Variants in GEMIN8 observed in about 807,000 individuals in gnomAD.
GEMIN8 encodes the protein gem-associated protein 8.
For synonymous variants in GEMIN8, 80 were observed against 78.5 expected, an observed-to-expected ratio of 1.02 and a Z score of -0.10; for missense variants, 185 against 205.9, an observed-to-expected ratio of 0.90 and a Z score of 0.62.
intron 4 of GEMIN8, among the ~76,000 whole-genome samples, chrX:14,016,864 AAAATATAT>A (rs1341693046): frequency 1.3e-5 from 1 of 74,080 alleles, no homozygotes; most frequent in African/African-American, 6.2e-5. Context: ...AAAAAAAAAA[AAAATATAT>A]ATATATATAT....
At chrX:13,995,792 T>C in the GEMIN8 span, among the ~76,000 whole-genome samples, 3 of 111,683 alleles carry the variant, frequency 2.7e-5, no homozygotes, top group Non-Finnish European at 5.6e-5. Flanking sequence ...ACTTGGAGGA[T>C]ACAGGATGCT....
rs1373606454 is a variant in GEMIN8 at position 14,008,201 on chromosome X, T to C, written c.*712A>G. On this transcript the variant is annotated 3_prime_UTR_variant, in exon 5 of 5. Transcript: ENST00000680255. ...ATCATGTTGGCCAGGATGGTCTCCA[T>C]CTCCTGACCTCGTGATCTGCCCACC... The C allele has an allele frequency of 9.0e-6, 1 of 110,797 alleles. No individual in the cohort carries two copies. The highest frequency in any genetic ancestry group is 1.9e-5 in the Non-Finnish European group (1 of 52,881). The allele number at this position is 110,797 out of a possible 1,213,427, so 9.1% of individuals were successfully genotyped here. A position where few individuals can be genotyped will look rare whatever the true frequency, so the allele number is the denominator to read the frequency against.
the GEMIN8 span, among the ~76,000 whole-genome samples, chrX:13,990,315 G>C: frequency 8.9e-6 from 1 of 112,730 alleles, no homozygotes; most frequent in Non-Finnish European, 1.9e-5. Context: ...GTTGTTGAGC[G>C]CATCTGCTCT....
intron 2 of GEMIN8, among the ~76,000 whole-genome samples, chrX:14,022,121 AG>A (rs1367969839): frequency 9.5e-6 from 1 of 105,271 alleles, no homozygotes; most frequent in Non-Finnish European, 1.9e-5. Context: ...AAAAATTTAT[AG>A]TTATTACTTT....
intron 4 of GEMIN8, among the ~76,000 whole-genome samples, chrX:14,010,994 C>T (rs1435940827): frequency 1.8e-5 from 2 of 111,983 alleles, no homozygotes; most frequent in East Asian, 5.6e-4. Flanking sequence ...GTTGGAGTGG[C>T]GTGGGAGTGG....
downstream of GEMIN8, among the ~76,000 whole-genome samples, chrX:14,006,635 G>A (rs1211801280): frequency 9.0e-6 from 1 of 111,609 alleles, no homozygotes; most frequent in Non-Finnish European, 1.9e-5. Context: ...CATCCATTCG[G>A]AGAGCTGACA....
the GEMIN8 span, among the ~76,000 whole-genome samples, chrX:13,996,711 G>C: frequency 4.5e-5 from 5 of 111,442 alleles, no homozygotes; most frequent in Non-Finnish European, 7.5e-5. Context: ...GAACACAAAA[G>C]GGGTGCAGTA....
At chrX:14,013,455 AGT>A (rs980546440) in intron 4 of GEMIN8, among the ~76,000 whole-genome samples, 29 of 112,495 alleles carry the variant, frequency 2.6e-4, no homozygotes, top group Non-Finnish European at 5.4e-4. Context: ...TGGGTTGAAT[AGT>A]GTCACTTCAA....
chrX:13,999,081 T>G, the GEMIN8 span, among the ~76,000 whole-genome samples: 5 of 111,153 alleles, frequency 4.5e-5, no homozygotes, highest in African/African-American at 1.6e-4. Flanking sequence ...AAATTTTTGT[T>G]TTTTTTTAAA....
chrX:13,984,857 T>C, the GEMIN8 span, among the ~76,000 whole-genome samples: 2 of 111,895 alleles, frequency 1.8e-5, no homozygotes, highest in African/African-American at 3.3e-5. Flanking sequence ...CAGAGTTCTA[T>C]AGCCACTAGG....
At chrX:14,018,747 C>T (rs1603197160) in intron 4 of GEMIN8, among the ~76,000 whole-genome samples, 1 of 105,352 alleles carries the variant, frequency 9.5e-6, no homozygotes, top group African/African-American at 3.4e-5. Context: ...TTTTCTTTTT[C>T]TTTTCTTTCT....
At chrX:13,989,762 G>A in the GEMIN8 span, among the ~76,000 whole-genome samples, 1 of 112,635 alleles carries the variant, frequency 8.9e-6, no homozygotes, top group Admixed American at 9.4e-5. Flanking sequence ...AACAGCCTGC[G>A]CCTTAGCTGA....
chrX:14,021,824 AT>A, intron 2 of GEMIN8, among the ~76,000 whole-genome samples: 1 of 49,473 alleles, frequency 2.0e-5, no homozygotes, highest in South Asian at 8.7e-4. Context: ...GTATATATAT[AT>A]ATATATATAT....
chrX:14,015,798 T>G (rs1404862914), intron 4 of GEMIN8, among the ~76,000 whole-genome samples: 4 of 112,364 alleles, frequency 3.6e-5, no homozygotes, highest in Non-Finnish European at 7.5e-5. Flanking sequence ...CTAGTGGTTT[T>G]GAGAGCAAAA....
intron 4 of GEMIN8, among the ~76,000 whole-genome samples, chrX:14,015,326 A>C (rs1923833806): frequency 8.9e-6 from 1 of 112,686 alleles, no homozygotes; most frequent in African/African-American, 3.2e-5. Flanking sequence ...AATAATTGAA[A>C]ACACAGCTGA....
chrX:14,013,136 GCTTC>G (rs1401139522), intron 4 of GEMIN8, among the ~76,000 whole-genome samples: 4 of 111,782 alleles, frequency 3.6e-5, no homozygotes, highest in African/African-American at 9.8e-5. Flanking sequence ...TCTATTTATT[GCTTC>G]CTTCCTTCCT....
At chrX:14,027,688 C>T (rs1275204119) in intron 1 of GEMIN8, among the ~76,000 whole-genome samples, 3 of 112,216 alleles carry the variant, frequency 2.7e-5, no homozygotes, top group Non-Finnish European at 5.6e-5. Context: ...GACATTCCAC[C>T]CACAGAAGGG....
the GEMIN8 span, among the ~76,000 whole-genome samples, chrX:13,995,438 T>C: frequency 8.9e-6 from 1 of 111,809 alleles, no homozygotes; most frequent in African/African-American, 3.3e-5. Context: ...CACTAACCAA[T>C]CACACATTTC....
chrX:14,016,889 A>T, intron 4 of GEMIN8, among the ~76,000 whole-genome samples: 1 of 89,195 alleles, frequency 1.1e-5, no homozygotes, highest in East Asian at 3.3e-4. Context: ...ATATATATAT[A>T]TATGTACAGA....
Sources: allele counts gnomAD v4.1 joint callset (sites outside exome capture counted in the v4.1 genomes callset), GRCh38; gene constraint gnomAD v4.1.1; transcripts MANE v1.5; gene names NCBI Gene and HGNC (gene_info 2026-07-23, HGNC 2026-07-21).